Variants in PCDH15 observed in about 807,000 individuals in gnomAD.
PCDH15 encodes protocadherin related 15.
In PCDH15, 129 loss-of-function variants were observed where a neutral mutation model predicts 178.5. The ratio of observed to expected loss-of-function variants is 0.72; its 90% confidence interval spans 0.63 to 0.84. The LOEUF (loss-of-function observed/expected upper bound fraction) is 0.84. Among genes scored for constraint, PCDH15 ranks in the 40% least tolerant of loss-of-function variants. The probability of loss-of-function intolerance (pLI) is 0.00; values close to 1 mark genes in which losing one functional copy is unlikely to be tolerated. For missense variants in PCDH15, 2,230 were observed against 2,099.9 expected (o/e 1.06, Z -1.21); for synonymous variants, 800 against 732.0 (o/e 1.09, Z -1.50).
intron 2 of PCDH15, among the ~76,000 whole-genome samples, chr10:55,336,296 G>C (rs1007724952): frequency 2.6e-5 from 4 of 151,938 alleles, no homozygotes; most frequent in Admixed American, 2.6e-4. Flanking sequence ...TCAAGGGATT[G>C]AGACCATCCT....
chr10:53,822,961 G>A, intron 32 of PCDH15: 2 of 1,614,006 alleles, frequency 1.2e-6, no homozygotes, highest in Non-Finnish European at 1.7e-6. Flanking sequence ...GGTCTATTTG[G>A]AACTTTCCTC....
intron 5 of PCDH15, among the ~76,000 whole-genome samples, chr10:54,353,525 C>A (rs1944485200): frequency 6.6e-6 from 1 of 152,122 alleles, no homozygotes; most frequent in Non-Finnish European, 1.5e-5. Context: ...CCTAATATCC[C>A]TGTACAGACT....
chr10:54,723,804 A>G (rs1266318771), intron 1 of PCDH15, among the ~76,000 whole-genome samples: 1 of 151,778 alleles, frequency 6.6e-6, no homozygotes, highest in African/African-American at 2.4e-5. Flanking sequence ...AACATCAGTA[A>G]TCATCAGAGA....
chr10:54,071,882 AAAT>A (rs990180816), intron 17 of PCDH15, among the ~76,000 whole-genome samples: 2 of 152,128 alleles, frequency 1.3e-5, no homozygotes, highest in Non-Finnish European at 1.5e-5. Flanking sequence ...ATATTCTCAG[AAAT>A]AATAAAGACA....
intron 2 of PCDH15, among the ~76,000 whole-genome samples, chr10:55,382,934 G>C (rs973683768): frequency 6.6e-6 from 1 of 152,208 alleles, no homozygotes; most frequent in African/African-American, 2.4e-5. Flanking sequence ...GTGTGTTACA[G>C]TTAATGCTCT....
chr10:54,488,893 G>C (rs2079334758), intron 3 of PCDH15, among the ~76,000 whole-genome samples: 1 of 152,012 alleles, frequency 6.6e-6, no homozygotes, highest in Non-Finnish European at 1.5e-5. Flanking sequence ...TGGTTGGTCA[G>C]TTAATACTGA....
Position 55,336,124 on chromosome 10 carries a change from GA to G in PCDH15, c.-155-169474del, listed in dbSNP as rs748988261. Among the ~76,000 whole-genome samples, 176 of 59,282 alleles carry G rather than the reference GA, an allele frequency of 3.0e-3. 2 individuals carry two copies. Among genetic ancestry groups the G allele is most frequent in the East Asian group, 0.024 (38 of 1,598 alleles). 38.9% of individuals were successfully genotyped at this position (59,282 alleles called of 152,430 possible). ...CCCAAAATATGGCACCTTGGTATTT[GA>G]AAAAAAAAAAAAAAAAAAAAAAAAA... On this transcript the variant is annotated intron_variant, in intron 2 of 5. Coordinates refer to the PCDH15 transcript ENST00000613346.
chr10:53,806,522 GCA>G lies in PCDH15; in HGVS notation c.*55_*56del, dbSNP rs1304220560. ...ATTGTTTTCTCAGTGACAATAAAAA[GCA>G]CAGTTTATTAAAAATGTAAGTAAAA... On this transcript the variant is annotated 3_prime_UTR_variant, in exon 38 of 38. Coordinates refer to ENST00000644397, the MANE Select transcript of PCDH15 (RefSeq NM_001384140.1). 1.7e-5 allele frequency: 23 copies of G among 1,357,330 alleles called. No homozygotes were observed. Among genetic ancestry groups the G allele is most frequent in the African/African-American group, 1.2e-4 (8 of 67,948 alleles). 84.1% of individuals were successfully genotyped at this position (1,357,330 alleles called of 1,614,324 possible).
At chr10:53,844,598 T>C (rs2077858611) in intron 28 of PCDH15, among the ~76,000 whole-genome samples, 2 of 151,968 alleles carry the variant, frequency 1.3e-5, no homozygotes, top group African/African-American at 4.8e-5. Context: ...AGCCAATCAT[T>C]TTTGACCAAG....
intron 2 of PCDH15, among the ~76,000 whole-genome samples, chr10:55,607,333 A>T (rs1266016986): frequency 2.7e-5 from 4 of 150,288 alleles, no homozygotes; most frequent in Non-Finnish European, 5.9e-5. Flanking sequence ...TGTGGAAGTC[A>T]GTGTGGCGAT....
rs184018799 is a variant in PCDH15 at position 55,401,718 on chromosome 10, G to T, written c.-156+225907C>A. Among the ~76,000 whole-genome samples the T allele has an allele frequency of 2.2e-3, 336 of 151,620 alleles. 1 individual carries two copies. Among genetic ancestry groups the T allele is most frequent in the African/African-American group, 7.9e-3 (326 of 41,348 alleles). On this transcript the variant is annotated intron_variant, in intron 2 of 5. Coordinates refer to the PCDH15 transcript ENST00000613346. ...AATGCTGATTAGGGGAAGGGAAGAA[G>T]ACCAGAAGTGAGATTAGAATTATTA...
At position 53,823,305 on chromosome 10, in the gene PCDH15, TCTGAGACTGAG is replaced by T. The variant is rs767621707; in HGVS notation, c.4368-3086_4368-3076del. 1.3e-5 allele frequency: 21 copies of T among 1,613,988 alleles called. No homozygotes were observed. The South Asian group carries it at 2.0e-4, about 15-fold the overall frequency. ...CACAACTTGTTGATGTTTCCTGTCT[TCTGAGACTGAG>T]TTATTTCCCCTGCTTTGTTGAAAAT... On this transcript the variant is annotated intron_variant, in intron 32 of 37. Coordinates refer to ENST00000644397, the MANE Select transcript of PCDH15 (RefSeq NM_001384140.1).
chr10:54,764,833 A>G (rs1247171770), intron 1 of PCDH15, among the ~76,000 whole-genome samples: 1 of 152,152 alleles, frequency 6.6e-6, no homozygotes, highest in Non-Finnish European at 1.5e-5. Flanking sequence ...AATAAATGAG[A>G]TAAGAAGCAA....
chr10:54,891,083 T>C (rs1467463546), intron 3 of PCDH15, among the ~76,000 whole-genome samples: 1 of 152,026 alleles, frequency 6.6e-6, no homozygotes, highest in Non-Finnish European at 1.5e-5. Context: ...CGATGCACCA[T>C]AGGAAATAGA....
At chr10:53,952,879 A>G (rs1374417729) in intron 23 of PCDH15, among the ~76,000 whole-genome samples, 1 of 152,250 alleles carries the variant, frequency 6.6e-6, no homozygotes, top group African/African-American at 2.4e-5. Flanking sequence ...GGTGGTGACA[A>G]TGCTCGGGGC....
At chr10:54,340,827 G>C (rs1173812674) in intron 6 of PCDH15, among the ~76,000 whole-genome samples, 3 of 152,020 alleles carry the variant, frequency 2.0e-5, no homozygotes, top group Non-Finnish European at 4.4e-5. Context: ...CACTTGGGAG[G>C]GTCTTCATGT....
At chr10:54,850,540 C>T (rs1162766852) in intron 3 of PCDH15, among the ~76,000 whole-genome samples, 1 of 152,082 alleles carries the variant, frequency 6.6e-6, no homozygotes, top group Non-Finnish European at 1.5e-5. Flanking sequence ...ACATATAATG[C>T]TTGGTTTTTC....
chr10:53,851,700 A>T (rs1589092620), intron 28 of PCDH15, among the ~76,000 whole-genome samples: 2 of 49,412 alleles, frequency 4.0e-5, no homozygotes, highest in Non-Finnish European at 4.2e-5. Context: ...ATATATATAT[A>T]TATATATATA....
chr10:54,450,378 G>C (rs2076403128), intron 3 of PCDH15, among the ~76,000 whole-genome samples: 1 of 151,246 alleles, frequency 6.6e-6, no homozygotes, highest in African/African-American at 2.4e-5. Context: ...CATAAAATAA[G>C]AGTGTTTTTT....
Sources: gnomAD v4.1 joint callset for allele counts (sites outside exome capture counted in the v4.1 genomes callset) on GRCh38, gnomAD v4.1.1 for gene constraint, MANE v1.5 for transcripts, NCBI Gene and HGNC (gene_info 2026-07-23, HGNC 2026-07-21) for gene names.